The following PCGF3 variants were observed in gnomAD, a reference collection of about 807,000 sequenced individuals.
PCGF3 encodes the protein polycomb group RING finger protein 3.
In PCGF3, 7 loss-of-function variants were observed where a neutral mutation model predicts 33.1. The observed-to-expected ratio is 0.21, with a 90% CI of 0.12 to 0.40. The LOEUF is 0.40. PCGF3 is among the 10% of genes least tolerant of loss of function. The probability of loss-of-function intolerance (pLI) is 1.00; values close to 1 mark genes in which losing one functional copy is unlikely to be tolerated. For missense variants in PCGF3, 211 were observed against 313.3 expected (o/e 0.67, Z 2.46); for synonymous variants, 153 against 121.3 (o/e 1.26, Z -1.72).
intron 8 of PCGF3, among the ~76,000 whole-genome samples, chr4:752,717 G>A (rs889574185): frequency 7.2e-5 from 11 of 152,208 alleles, no homozygotes; most frequent in Admixed American, 3.3e-4. Context: ...AGCCTCCTCC[G>A]GTTCCAGGCC....
In PCGF3 at chr4:720,549, G is replaced by A. The variant is rs1743029291; in HGVS notation, c.-189-10081G>A. On this transcript the variant is annotated intron_variant, in intron 1 of 10. Coordinates refer to ENST00000362003, the Ensembl canonical transcript of PCGF3. The surrounding 1 kb of genome is among the most constrained non-coding windows in gnomAD (Gnocchi z 5.6). ...GCTGGGAGGACGGCAAGGCTGATGTGGACGCAGCCCCGACGTGAACAGGAC... is the reference window on the plus strand; with the variant it reads ...GCTGGGAGGACGGCAAGGCTGATGTAGACGCAGCCCCGACGTGAACAGGAC... Among the ~76,000 whole-genome samples, 1 of 152,180 alleles carries A rather than the reference G, an allele frequency of 6.6e-6. No homozygotes were observed. Among genetic ancestry groups the A allele is most frequent in the South Asian group, 2.1e-4 (1 of 4,832 alleles).
intron 4 of PCGF3, 181 bp from the exon 5 acceptor site, chr4:734,750 A>T (rs552013331): frequency 4.2e-5 from 58 of 1,381,994 alleles, no homozygotes; most frequent in Admixed American, 2.2e-4. Context: ...AAACCTTCTC[A>T]TTGCTCCTGA....
intron 3 of PCGF3, among the ~76,000 whole-genome samples, chr4:732,936 C>T (rs74764949): frequency 0.041 from 6,295 of 152,344 alleles, 169 homozygotes; most frequent in East Asian, 0.093. Flanking sequence ...GGGGTCACCT[C>T]CCCGAAGGCG....
chr4:758,576 A>G (rs868574003), intron 8 of PCGF3, among the ~76,000 whole-genome samples: 1,993 of 69,686 alleles, frequency 0.029, 133 homozygotes, highest in Middle Eastern at 0.049. Flanking sequence ...CTTTCCCCGC[A>G]CGGCCCCTCC....
At chr4:714,789 G>A (rs1241656472) in intron 1 of PCGF3, among the ~76,000 whole-genome samples, 1 of 152,356 alleles carries the variant, frequency 6.6e-6, no homozygotes, top group South Asian at 2.1e-4. Context: ...TTCTCACTAG[G>A]TCACGCAAAC....
intron 8 of PCGF3, among the ~76,000 whole-genome samples, chr4:749,258 A>G (rs1293697044): frequency 6.6e-6 from 1 of 151,040 alleles, no homozygotes; most frequent in African/African-American, 2.4e-5. Context: ...TCTGCCTCCC[A>G]TGTTCAAGCG....
intron 10 of PCGF3, among the ~76,000 whole-genome samples, chr4:765,756 G>C (rs571674910): frequency 6.6e-6 from 1 of 152,236 alleles, no homozygotes; most frequent in East Asian, 1.9e-4. Context: ...GGGAGTGGCA[G>C]CCAGGGCCAC....
rs57690550 is a variant in PCGF3, at chr4:727,233, CTTTTTTTTTTTTTTT to C, written c.-189-3386_-189-3372del. ...AGAGGATGTGTGTGTTAGCGAGCGT[CTTTTTTTTTTTTTTT>C]TTTTTTTTTTGAGATGGAGTTTCAG... is the stretch of plus-strand genomic sequence containing the variant. On this transcript the variant is annotated intron_variant, in intron 1 of 10. Coordinates refer to ENST00000362003, the Ensembl canonical transcript of PCGF3. Among the ~76,000 whole-genome samples, 5 of 61,892 alleles carry C rather than the reference CTTTTTTTTTTTTTTT, an allele frequency of 8.1e-5. No homozygotes were observed. In the Admixed American group the frequency reaches 1.1e-3, roughly 14 times the overall value. The allele number at this position is 61,892 out of a possible 152,430, so 40.6% of individuals were successfully genotyped here.
At chr4:737,560 G>T in intron 6 of PCGF3, 39 bp downstream of exon 6, 1 of 1,358,302 alleles carries the variant, frequency 7.4e-7, no homozygotes, top group Non-Finnish European at 1.1e-6. Flanking sequence ...TGAGGTCCCA[G>T]CCTGGCCTCT....
chr4:733,527 C>A, intron 3 of PCGF3, 145 bp from the exon 4 acceptor site: 1 of 740,056 alleles, frequency 1.4e-6, no homozygotes, highest in Non-Finnish European at 2.2e-6. Context: ...ACATGGGAGC[C>A]TGGGACCCCG....
chr4:742,216 C>T (rs778176155), intron 6 of PCGF3, among the ~76,000 whole-genome samples: 6 of 147,898 alleles, frequency 4.1e-5, no homozygotes, highest in East Asian at 2.0e-4. Context: ...AGGGTCCCCT[C>T]CTCTCTCCCC....
intron 6 of PCGF3, among the ~76,000 whole-genome samples, chr4:741,597 G>A (rs993028137): frequency 2.6e-5 from 4 of 151,822 alleles, no homozygotes; most frequent in Non-Finnish European, 4.4e-5. Context: ...TAGTAGAGAC[G>A]GGGGTTTCAC....
intron 8 of PCGF3, chr4:757,449 C>T (rs1007569172): frequency 6.6e-6 from 1 of 152,386 alleles, no homozygotes; most frequent in East Asian, 1.9e-4. Flanking sequence ...CGTATAGAAA[C>T]GTTTCTCGTC....
chr4:734,723 C>T (rs1323338656), intron 4 of PCGF3: 6 of 1,358,506 alleles, frequency 4.4e-6, no homozygotes, highest in South Asian at 1.8e-5. Context: ...TGAGGAAGCC[C>T]ATTGACGGGG....
chr4:742,273 CCTCCT>C (rs1744128687), intron 6 of PCGF3, among the ~76,000 whole-genome samples: 1 of 150,680 alleles, frequency 6.6e-6, no homozygotes, highest in Non-Finnish European at 1.5e-5. Context: ...CACGGGGCAT[CCTCCT>C]CTCTGTCCAA....
chr4:759,937 C>A (rs1347094014), intron 8 of PCGF3, among the ~76,000 whole-genome samples: 4 of 150,368 alleles, frequency 2.7e-5, no homozygotes, highest in Non-Finnish European at 4.4e-5. Flanking sequence ...TTCCGGACTC[C>A]GGGTCTTTCT....
At chr4:715,206 C>A (rs1742759332) in intron 1 of PCGF3, among the ~76,000 whole-genome samples, 1 of 131,108 alleles carries the variant, frequency 7.6e-6, no homozygotes, top group South Asian at 2.7e-4. Context: ...AGTGTGAGAA[C>A]TGGGTGTTGG....
At chr4:741,912 C>T (rs1384537793) in intron 6 of PCGF3, among the ~76,000 whole-genome samples, 1 of 152,194 alleles carries the variant, frequency 6.6e-6, no homozygotes, top group East Asian at 1.9e-4. Flanking sequence ...GGCTCTTCTG[C>T]AGACTGATGG....
chr4:769,979 T>A (rs1191062928), exon 11 of PCGF3: 1 of 152,680 alleles, frequency 6.5e-6, no homozygotes, highest in Non-Finnish European at 1.5e-5. Flanking sequence ...TTTTGTCAAA[T>A]CTTTTTTGGA....
Sources: gnomAD v4.1 joint callset for allele counts (sites outside exome capture counted in the v4.1 genomes callset) on GRCh38, gnomAD v4.1.1 for gene constraint, Gnocchi (gnomAD v3.1) non-coding constraint, MANE v1.5 for transcripts, NCBI Gene and HGNC (gene_info 2026-07-23, HGNC 2026-07-21) for gene names.